The following GRB10 variants were observed in gnomAD, a reference collection of about 807,000 sequenced individuals.
The protein encoded by GRB10 is growth factor receptor-bound protein 10.
In GRB10, 20 loss-of-function variants were observed where a neutral mutation model predicts 80.9. The ratio of observed to expected loss-of-function variants is 0.25; its 90% CI spans 0.17 to 0.36. The LOEUF is 0.36. Among genes scored for constraint, GRB10 ranks in the 10% least tolerant of loss-of-function variants. The pLI is 1.00. For missense variants in GRB10, 548 were observed against 747.7 expected (o/e 0.73, Z 3.12); for synonymous variants, 291 against 291.5 (o/e 1.00, Z 0.02).
At chr7:50,755,553 G>A (rs1216085022) in intron 3 of GRB10, among the ~76,000 whole-genome samples, 1 of 152,142 alleles carries the variant, frequency 6.6e-6, no homozygotes, top group Non-Finnish European at 1.5e-5. Context: ...GAGGCAGGCA[G>A]CATCACCCCC....
chr7:50,596,711 G>A (rs1376850140), intron 17 of GRB10, among the ~76,000 whole-genome samples: 7 of 151,374 alleles, frequency 4.6e-5, no homozygotes, highest in South Asian at 2.1e-4. Flanking sequence ...ACTCCTAAAC[G>A]GTTCAGAAGA....
chr7:50,773,148 A>C (rs2077147409), intron 2 of GRB10, among the ~76,000 whole-genome samples: 1 of 152,170 alleles, frequency 6.6e-6, no homozygotes, highest in East Asian at 1.9e-4. Context: ...TTATAAAACC[A>C]TCAGATCTCA....
Position 50,614,820 on chromosome 7 carries a change from C to G in GRB10, c.1045G>C (p.Ala349Pro), listed in dbSNP as rs759142194. The stretch of plus-strand genomic sequence containing the variant: ...GGGGCGTTGTACTGCTTCCTGCCAG[C>G]GATCAGGGAGAAGATGTTGCTGTCC... ...LEDSNIFSLI[A>P]GRKQYNAPTD... The change falls in exon 12 of 19, where the codon GCT (alanine) becomes CCT (proline). Residue 349 changes from alanine to proline, a missense_variant. Physicochemically the swap from Ala to Pro is conservative, Grantham distance 27 (BLOSUM62 -1). Transcript: ENST00000401949. 11 of 1,613,892 alleles carry G rather than the reference C, an allele frequency of 6.8e-6. No homozygotes were observed. Among genetic ancestry groups the G allele is most frequent in the Non-Finnish European group, 9.3e-6 (11 of 1,179,984 alleles).
chr7:50,719,604 A>G (rs1405861935), intron 4 of GRB10, among the ~76,000 whole-genome samples: 1 of 152,194 alleles, frequency 6.6e-6, no homozygotes, highest in Non-Finnish European at 1.5e-5. Context: ...TGATGGGTTG[A>G]TAGGTGCAGC....
intron 5 of GRB10, among the ~76,000 whole-genome samples, chr7:50,696,611 C>G (rs2063456021): frequency 6.6e-6 from 1 of 152,284 alleles, no homozygotes; most frequent in East Asian, 1.9e-4. Flanking sequence ...ACCCTTTGGG[C>G]ATCTTTACTC....
At chr7:50,614,184 G>T (rs930699032) in intron 12 of GRB10, among the ~76,000 whole-genome samples, 1 of 152,206 alleles carries the variant, frequency 6.6e-6, no homozygotes, top group Admixed American at 6.5e-5. Flanking sequence ...TAATGTATGT[G>T]TATGCACAAA....
At chr7:50,748,456 G>A (rs1024572521) in intron 3 of GRB10, among the ~76,000 whole-genome samples, 3 of 152,198 alleles carry the variant, frequency 2.0e-5, no homozygotes, top group African/African-American at 7.2e-5. Context: ...AAAGGAGGTA[G>A]GAGAAACAGC....
At chr7:50,624,901 C>T (rs2052599368) in intron 8 of GRB10, among the ~76,000 whole-genome samples, 2 of 150,914 alleles carry the variant, frequency 1.3e-5, no homozygotes, top group Admixed American at 1.3e-4. Context: ...ACTTGTTTCC[C>T]TTTCCCTTTT....
intron 9 of GRB10, 69 bp from the exon 10 acceptor site, chr7:50,618,208 A>G: frequency 8.5e-7 from 1 of 1,169,728 alleles, no homozygotes; most frequent in Non-Finnish European, 1.3e-6. Flanking sequence ...TGTCATATAG[A>G]TATGTCAATT....
intron 2 of GRB10, among the ~76,000 whole-genome samples, chr7:50,765,077 A>G (rs1473962341): frequency 6.6e-6 from 1 of 152,240 alleles, no homozygotes; most frequent in Admixed American, 6.5e-5. Context: ...AAAAATGCTC[A>G]ACACCAATAT....
chr7:50,732,128 A>G, intron 4 of GRB10, 144 bp downstream of exon 4: 1 of 821,644 alleles, frequency 1.2e-6, no homozygotes. Flanking sequence ...CCTCTGCACC[A>G]TGGGACTTGT....
intron 8 of GRB10, among the ~76,000 whole-genome samples, chr7:50,621,107 T>C (rs1356697207): frequency 6.6e-6 from 1 of 152,222 alleles, no homozygotes; most frequent in Non-Finnish European, 1.5e-5. Context: ...AGAGGATGCC[T>C]GGGGCAGCCA....
intron 2 of GRB10, among the ~76,000 whole-genome samples, chr7:50,775,182 A>AAAAAAAAAAAAAAAAG (rs1320410739): frequency 6.7e-6 from 1 of 149,130 alleles, no homozygotes; most frequent in Non-Finnish European, 1.5e-5. Context: ...AACAAAAAAA[A>AAAAAAAAAAAAAAAAG]ACAGTGGAAC....
intron 7 of GRB10, among the ~76,000 whole-genome samples, chr7:50,637,840 T>TA (rs60178424): frequency 1.8e-4 from 27 of 151,514 alleles, no homozygotes; most frequent in African/African-American, 4.4e-4. Context: ...ATGGTACTGG[T>TA]AAAAAAAACA....
chr7:50,734,569 T>A (rs975838036), intron 3 of GRB10, among the ~76,000 whole-genome samples: 2 of 152,250 alleles, frequency 1.3e-5, no homozygotes, highest in African/African-American at 4.8e-5. Flanking sequence ...TTCCTGGATG[T>A]GTTTGACATA....
At chr7:50,708,362 AC>A (rs1399851087) in intron 4 of GRB10, among the ~76,000 whole-genome samples, 2 of 152,214 alleles carry the variant, frequency 1.3e-5, no homozygotes, top group East Asian at 3.8e-4. Context: ...TCATGGTATG[AC>A]AAATGATGGT....
intron 3 of GRB10, among the ~76,000 whole-genome samples, chr7:50,743,124 G>C (rs1427902871): frequency 2.0e-5 from 3 of 152,192 alleles, no homozygotes; most frequent in African/African-American, 7.2e-5. Context: ...ACAATGCATT[G>C]ATGGGAGAAG....
chr7:50,607,831 C>T (rs962444546), intron 13 of GRB10, among the ~76,000 whole-genome samples: 2 of 152,146 alleles, frequency 1.3e-5, no homozygotes, highest in Admixed American at 6.5e-5. Context: ...CATCCAGCAT[C>T]CCAACCTACA....
At chr7:50,666,939 C>T (rs2059873217) in intron 7 of GRB10, among the ~76,000 whole-genome samples, 4 of 150,368 alleles carry the variant, frequency 2.7e-5, no homozygotes, top group African/African-American at 9.8e-5. Flanking sequence ...ACTCAGGAGG[C>T]TGAGGCAGGA....
Sources: gnomAD v4.1 joint callset for allele counts (sites outside exome capture counted in the v4.1 genomes callset) on GRCh38, gnomAD v4.1.1 for gene constraint, MANE v1.5 for transcripts, NCBI Gene and HGNC (gene_info 2026-07-23, HGNC 2026-07-21) for gene names.